ITPK1: variants seen among roughly 807,000 people sequenced by gnomAD.
The protein encoded by ITPK1 is inositol-tetrakisphosphate 1-kinase.
A neutral mutation model predicts 45.3 loss-of-function variants in ITPK1; 21 were observed. The observed-to-expected ratio is 0.46, with a 90% confidence interval of 0.33 to 0.67. ITPK1 has a LOEUF of 0.67. Ranked by LOEUF, ITPK1 falls within the 30% of genes least tolerant of loss-of-function variation. The probability of loss-of-function intolerance (pLI) is 0.02; values close to 1 mark genes in which losing one functional copy is unlikely to be tolerated. For missense variants in ITPK1, 474 were observed against 573.5 expected (o/e 0.83, Z 1.77); for synonymous variants, 258 against 253.6 (o/e 1.02, Z -0.16).
chr14:93,097,043 G>T (rs1479854426), intron 2 of ITPK1, among the ~76,000 whole-genome samples: 1 of 152,190 alleles, frequency 6.6e-6, no homozygotes, highest in Non-Finnish European at 1.5e-5. Flanking sequence ...GATGACAGTT[G>T]TTCCTTATGA....
At position 92,959,914 on chromosome 14, in the gene ITPK1, C is replaced by T. The variant is rs139899978; in HGVS notation, c.505-1548G>A. 3.4e-3 allele frequency among the ~76,000 whole-genome samples: 525 copies of T among 152,270 alleles called. 5 individuals carry two copies. Among genetic ancestry groups the T allele is most frequent in the African/African-American group, 0.012 (511 of 41,540 alleles). On this transcript the variant is annotated intron_variant, in intron 7 of 10. Transcript: ENST00000267615. Reference sequence around the variant, plus strand: ...GGGCTGGGATGCAGACGAGGACTCCCGATCAGAAGCACCTGCTGCCCTATC... The same window carrying T: ...GGGCTGGGATGCAGACGAGGACTCCTGATCAGAAGCACCTGCTGCCCTATC...
At chr14:93,035,755 C>T (rs1255598386) in intron 3 of ITPK1, among the ~76,000 whole-genome samples, 1 of 152,212 alleles carries the variant, frequency 6.6e-6, no homozygotes, top group Non-Finnish European at 1.5e-5. Flanking sequence ...ACAGCTGCCT[C>T]ACCCTCCTGG....
chr14:92,951,970 C>G lies in ITPK1; in HGVS notation c.714G>C (p.Pro238=). 1 of 1,580,436 alleles carries G rather than the reference C, an allele frequency of 6.3e-7. No homozygotes were observed. The highest frequency in any genetic ancestry group is 8.6e-7 in the Non-Finnish European group (1 of 1,162,768). Residue 238 remains proline (P), a synonymous_variant, in exon 9 of 11, where the codon CCG becomes CCC. Coordinates refer to ENST00000267615, the MANE Select transcript of ITPK1 (RefSeq NM_014216.6). The part of the protein sequence containing the change: ...IFFNSHNVSK[P]ESSSVLTELD... ...CCTCCGTCAGGACCGATGACGACTC[C>G]GGCTTTGACACGTTGTGGCTGTTGA... is the stretch of plus-strand genomic sequence containing the variant.
rs1253509430 is a variant in ITPK1 at position 93,115,138 on chromosome 14, C to G, written c.26G>C (p.Arg9Thr). 6 of 1,601,522 alleles carry G rather than the reference C, an allele frequency of 3.7e-6. No homozygotes were observed. The highest frequency in any genetic ancestry group is 5.1e-6 in the Non-Finnish European group (6 of 1,175,130). The change falls in exon 2 of 11, where the codon AGA (arginine) becomes ACA (threonine). Residue 9 changes from arginine to threonine, a missense_variant. By Grantham distance (71) the Arg-to-Thr change is moderately conservative. Around this residue, in one of 2 missense-constraint regions of ITPK1, gnomAD observed 367 missense variants for 480.6 expected, o/e 0.76. Coordinates refer to ENST00000267615, the MANE Select transcript of ITPK1 (RefSeq NM_014216.6). Reference sequence around the variant, plus strand: ...CTTCTCGCTCAGCCAGTAGCCAACTCTCTTCCCTTTCAGAAAGGTCTGCAT... The same window carrying G: ...CTTCTCGCTCAGCCAGTAGCCAACTGTCTTCCCTTTCAGAAAGGTCTGCAT... MQTFLKGK[R>T]VGYWLSEKKI...
intron 2 of ITPK1, among the ~76,000 whole-genome samples, chr14:93,109,774 T>G (rs1892670092): frequency 6.6e-6 from 1 of 152,210 alleles, no homozygotes; most frequent in South Asian, 2.1e-4. Context: ...CTATGCCCAC[T>G]GAACAGTTTC....
intron 2 of ITPK1, among the ~76,000 whole-genome samples, chr14:93,113,302 T>C (rs1011079132): frequency 6.6e-6 from 1 of 152,094 alleles, no homozygotes; most frequent in East Asian, 1.9e-4. Flanking sequence ...GTCTACAAGG[T>C]CAAGCCAATC....
At chr14:93,088,451 C>T (rs754388518) in intron 2 of ITPK1, among the ~76,000 whole-genome samples, 2 of 150,836 alleles carry the variant, frequency 1.3e-5, no homozygotes, top group Non-Finnish European at 2.9e-5. Flanking sequence ...GCAATTCTCC[C>T]GCGTTCAAGC....
At chr14:92,967,587 C>G (rs1885443240) in intron 5 of ITPK1, among the ~76,000 whole-genome samples, 2 of 152,194 alleles carry the variant, frequency 1.3e-5, no homozygotes, top group African/African-American at 4.8e-5. Context: ...AAACATATGT[C>G]CGCATAAAAT....
chr14:93,108,237 C>T (rs1200361069), intron 2 of ITPK1, among the ~76,000 whole-genome samples: 5 of 152,226 alleles, frequency 3.3e-5, no homozygotes, highest in South Asian at 2.1e-4. Flanking sequence ...AGGTGCACAG[C>T]TCTTGAATGC....
chr14:93,055,349 G>C (rs572406789), intron 3 of ITPK1, among the ~76,000 whole-genome samples: 1 of 152,196 alleles, frequency 6.6e-6, no homozygotes, highest in Admixed American at 6.5e-5. Flanking sequence ...AGGGCCAAAG[G>C]GTCAGCATCT....
chr14:93,107,542 G>A (rs996599403), intron 2 of ITPK1, among the ~76,000 whole-genome samples: 5 of 152,172 alleles, frequency 3.3e-5, no homozygotes, highest in Admixed American at 6.5e-5. Context: ...TTCACCCTCT[G>A]GGGCAGCTGA....
intron 5 of ITPK1, among the ~76,000 whole-genome samples, chr14:92,988,309 G>A (rs1330340676): frequency 1.3e-5 from 2 of 152,202 alleles, no homozygotes; most frequent in African/African-American, 4.8e-5. Context: ...CCCGATCTGG[G>A]GTGGGGCCAC....
intron 3 of ITPK1, among the ~76,000 whole-genome samples, chr14:93,025,979 A>G (rs1216914370): frequency 6.6e-6 from 1 of 152,216 alleles, no homozygotes. Context: ...ATAAAAAATT[A>G]GCCGGGCTGG....
At chr14:93,072,989 T>C (rs1345800801) in intron 3 of ITPK1, among the ~76,000 whole-genome samples, 1 of 152,258 alleles carries the variant, frequency 6.6e-6, no homozygotes, top group Non-Finnish European at 1.5e-5. Flanking sequence ...TGACAATGAC[T>C]GGCCACTGTA....
rs115353396 is a variant in ITPK1 at position 93,014,587 on chromosome 14, C to A, written c.246+2089G>T. On this transcript the variant is annotated intron_variant, in intron 4 of 10. Transcript: ENST00000267615. The surrounding 1 kb of genome is among the most constrained non-coding windows in gnomAD (Gnocchi z 4.4). Reference sequence around the variant, plus strand: ...GGAACTGAGGCTGTGGGGAGGCACGCGGTTCCTAAGTTTTGGAACAAGGAT... The same window carrying A: ...GGAACTGAGGCTGTGGGGAGGCACGAGGTTCCTAAGTTTTGGAACAAGGAT... 4.8e-3 allele frequency among the ~76,000 whole-genome samples: 724 copies of A among 152,274 alleles called. 4 individuals carry two copies. Among genetic ancestry groups the A allele is most frequent in the African/African-American group, 0.017 (692 of 41,546 alleles).
intron 2 of ITPK1, among the ~76,000 whole-genome samples, chr14:93,086,948 C>T (rs1055221300): frequency 3.3e-5 from 5 of 152,214 alleles, no homozygotes; most frequent in Admixed American, 1.3e-4. Flanking sequence ...CCCAAGGTGT[C>T]GGGTCACATG....
At position 93,014,428 on chromosome 14, in the gene ITPK1, C is replaced by A. The variant is rs1888073890; in HGVS notation, c.246+2248G>T. Among the ~76,000 whole-genome samples, 1 of 152,158 alleles carries A rather than the reference C, an allele frequency of 6.6e-6. No individual in the cohort carries two copies. The highest frequency in any genetic ancestry group is 1.5e-5 in the Non-Finnish European group (1 of 68,020). ...GGAGCAGATGTTCCAGAACTCCGGG[C>A]CCAGGCTAGCTGGGAGATGTGGTCT... On this transcript the variant is annotated intron_variant, in intron 4 of 10. Coordinates refer to ENST00000267615, the MANE Select transcript of ITPK1 (RefSeq NM_014216.6). This position sits in a 1 kb window ranked among gnomAD's most constrained non-coding sequence, Gnocchi z 4.4.
rs569251838 is a variant in ITPK1 at position 92,955,238 on chromosome 14, C to T, written c.670+2963G>A. Among the ~76,000 whole-genome samples the T allele has an allele frequency of 3.9e-5, 6 of 152,318 alleles. No homozygotes were observed. In the East Asian group the frequency reaches 9.6e-4, roughly 24 times the overall value. On this transcript the variant is annotated intron_variant, in intron 8 of 10. Transcript: ENST00000267615. Reference sequence around the variant, plus strand: ...ATCTACAGCTGCTTTTGCACTACAACGGCAGCATTAAATAATTGGGATGGA... The same window carrying T: ...ATCTACAGCTGCTTTTGCACTACAATGGCAGCATTAAATAATTGGGATGGA...
intron 3 of ITPK1, among the ~76,000 whole-genome samples, chr14:93,058,316 G>A (rs962326959): frequency 2.0e-5 from 3 of 149,120 alleles, no homozygotes; most frequent in Admixed American, 6.7e-5. Context: ...AACTGGGTCC[G>A]CTCTCACAGA....
Sources: allele counts gnomAD v4.1 joint callset (sites outside exome capture counted in the v4.1 genomes callset), GRCh38; gene constraint gnomAD v4.1.1; regional missense constraint gnomAD v4.1.1; non-coding constraint Gnocchi (gnomAD v3.1); transcripts MANE v1.5; gene names NCBI Gene and HGNC (gene_info 2026-07-23, HGNC 2026-07-21).